XIAP: variants seen among roughly 807,000 people sequenced by gnomAD.
XIAP encodes E3 ubiquitin-protein ligase XIAP.
Under a neutral mutation model 33.1 loss-of-function variants are expected in XIAP, and 3 were observed. The ratio of observed to expected loss-of-function variants is 0.09; its 90% CI spans 0.04 to 0.23. XIAP has a LOEUF of 0.23. XIAP is among the 10% of genes least tolerant of loss of function. The pLI, the probability that XIAP is intolerant of heterozygous loss-of-function variation, is 1.00. For synonymous variants in XIAP, 98 were observed against 121.3 expected (o/e 0.81, Z 1.26); for missense variants, 264 against 363.0 (o/e 0.73, Z 2.22).
At position 123,909,189 on chromosome X, in the gene XIAP, C is replaced by T. The variant is rs186960123; in HGVS notation, c.*2008C>T. The stretch of plus-strand genomic sequence containing the variant: ...AATTACAGGCAGGTGCCACCATGCC[C>T]GACTAATTTTTTTTTATTTTTAGTA... On this transcript the variant is annotated 3_prime_UTR_variant, in exon 7 of 7. Transcript: ENST00000371199. 1.5e-4 allele frequency: 42 copies of T among 274,962 alleles called. 2 individuals are homozygous for T. The highest frequency in any genetic ancestry group is 1.4e-3 in the Admixed American group (31 of 21,589). 22.7% of individuals were successfully genotyped at this position (274,962 alleles called of 1,213,427 possible).
intron 1 of XIAP, among the ~76,000 whole-genome samples, chrX:123,882,172 G>A (rs1407037880): frequency 8.9e-6 from 1 of 111,980 alleles, no homozygotes; most frequent in Non-Finnish European, 1.9e-5. Flanking sequence ...ACTTGGAAAG[G>A]TTTAACCCAG....
At chrX:123,900,426 T>G in intron 5 of XIAP, 67 bp from the exon 6 acceptor site, 11 of 963,262 alleles carry the variant, frequency 1.1e-5, no homozygotes, top group Non-Finnish European at 1.5e-5. Flanking sequence ...ATTTTGCTAT[T>G]GAGTTGTGAT....
rs866934121 is a variant in XIAP, at chrX:123,866,515, C to T, written c.-33+6222C>T. 1.2e-3 allele frequency among the ~76,000 whole-genome samples: 72 copies of T among 61,955 alleles called. 1 individual carries two copies. Among genetic ancestry groups the T allele is most frequent in the South Asian group, 7.0e-3 (11 of 1,561 alleles). The allele number at this position is 61,955 out of a possible 115,157, so 53.8% of individuals were successfully genotyped here. On this transcript the variant is annotated intron_variant, in intron 1 of 6. Transcript: ENST00000371199. ...GATTAATATATAATATATGATATAT[C>T]ATATATAATATCAAAATATATAATA...
intron 3 of XIAP, among the ~76,000 whole-genome samples, chrX:123,890,217 C>G (rs1387165037): frequency 9.8e-6 from 1 of 101,782 alleles, no homozygotes; most frequent in Non-Finnish European, 2.0e-5. Flanking sequence ...GGGGTTTCAC[C>G]GTGTTAGCCA....
intron 1 of XIAP, among the ~76,000 whole-genome samples, chrX:123,883,938 G>T (rs1449628985): frequency 8.9e-6 from 1 of 111,939 alleles, no homozygotes; most frequent in African/African-American, 3.2e-5. Context: ...TGAAGCTAAT[G>T]TTGGAATGTT....
chrX:123,888,882 C>T (rs1338042834), intron 3 of XIAP, among the ~76,000 whole-genome samples, 164 bp downstream of exon 3: 1 of 112,101 alleles, frequency 8.9e-6, no homozygotes, highest in Non-Finnish European at 1.9e-5. Flanking sequence ...TGACCAAAAA[C>T]ATTCACTGCT....
In XIAP at chrX:123,908,886, A is replaced by G. The variant is rs766498412; in HGVS notation, c.*1705A>G. 2.0e-4 allele frequency: 69 copies of G among 349,225 alleles called. No homozygotes were observed. Among genetic ancestry groups the G allele is most frequent in the Non-Finnish European group, 3.3e-4 (61 of 183,027 alleles). The allele number at this position is 349,225 out of a possible 1,213,427, so 28.8% of individuals were successfully genotyped here. On this transcript the variant is annotated 3_prime_UTR_variant, in exon 7 of 7. Transcript: ENST00000371199. The stretch of plus-strand genomic sequence containing the variant: ...GTAGAGGTGAGTAAGGCATGTTACT[A>G]CAGAGGAAAGTTTGAGAGTAAAACT...
At chrX:123,866,434 T>G (rs1199805969) in intron 1 of XIAP, among the ~76,000 whole-genome samples, 1 of 103,071 alleles carries the variant, frequency 9.7e-6, no homozygotes, top group Non-Finnish European at 1.9e-5. Flanking sequence ...ATATATATTA[T>G]ACATGATATA....
chrX:123,876,187 A>G (rs898466380), intron 1 of XIAP, among the ~76,000 whole-genome samples: 3 of 106,820 alleles, frequency 2.8e-5, no homozygotes, highest in Non-Finnish European at 5.8e-5. Context: ...TGTTGGGATT[A>G]CAGGGGTGAG....
rs1323228713 is a variant in XIAP, at chrX:123,912,524, A to G, written c.*5343A>G. 9.2e-6 allele frequency: 3 copies of G among 327,001 alleles called. No individual in the cohort carries two copies. The Admixed American group carries it at 9.4e-5, about 10-fold the overall frequency. 26.9% of individuals were successfully genotyped at this position (327,001 alleles called of 1,213,427 possible). A position where few individuals can be genotyped will look rare whatever the true frequency, so the allele number is the denominator to read the frequency against. On this transcript the variant is annotated 3_prime_UTR_variant, in exon 7 of 7. Transcript: ENST00000371199. ...GTGGTGTGTGCCTGTAGTCCTGGCT[A>G]CTCCGGAGCCTGAGGTGGGAGGATC...
chrX:123,864,767 C>CGTGTGTGTGTGT (rs752421505), intron 1 of XIAP, among the ~76,000 whole-genome samples: 2 of 52,665 alleles, frequency 3.8e-5, no homozygotes, highest in Non-Finnish European at 3.3e-5. Context: ...GTCGCATTCT[C>CGTGTGTGTGTGT]GTGTGTGTGT....
chrX:123,913,594 C>G lies in XIAP; in HGVS notation c.*6413C>G. The G allele has an allele frequency of 9.3e-6, 3 of 322,502 alleles. No individual in the cohort carries two copies. The highest frequency in any genetic ancestry group is 8.3e-5 in the South Asian group (3 of 36,131). The allele number at this position is 322,502 out of a possible 1,213,427, so 26.6% of individuals were successfully genotyped here. A position where few individuals can be genotyped will look rare whatever the true frequency, so the allele number is the denominator to read the frequency against. ...TTTTGGAGTTTACCACTTTCTTATT[C>G]TGTATCATTAATGTAATATTTTAAA... On this transcript the variant is annotated 3_prime_UTR_variant, in exon 7 of 7. Transcript: ENST00000371199.
At chrX:123,890,110 G>A (rs2053392116) in intron 3 of XIAP, among the ~76,000 whole-genome samples, 2 of 85,693 alleles carry the variant, frequency 2.3e-5, no homozygotes, top group African/African-American at 8.8e-5. Context: ...TCCGCCTCCC[G>A]GGTTCACGCC....
intron 1 of XIAP, among the ~76,000 whole-genome samples, chrX:123,875,804 G>T (rs894954226): frequency 5.4e-5 from 6 of 110,140 alleles, no homozygotes; most frequent in Non-Finnish European, 1.1e-4. Flanking sequence ...CCCTGCCTCA[G>T]CCTCCCGAGT....
intron 1 of XIAP, among the ~76,000 whole-genome samples, chrX:123,882,388 ATATCT>A (rs1470294680): frequency 8.9e-6 from 1 of 111,935 alleles, no homozygotes; most frequent in African/African-American, 3.2e-5. Flanking sequence ...AATCTTTTAG[ATATCT>A]TAAGGTAGTT....
At chrX:123,871,566 G>C (rs1393281616) in intron 1 of XIAP, among the ~76,000 whole-genome samples, 1 of 107,850 alleles carries the variant, frequency 9.3e-6, no homozygotes, top group Non-Finnish European at 1.9e-5. Flanking sequence ...GCCCAGGCTG[G>C]AGTGGCCAGG....
intron 5 of XIAP, among the ~76,000 whole-genome samples, chrX:123,896,861 C>A (rs748457283): frequency 9.2e-6 from 1 of 109,163 alleles, no homozygotes; most frequent in African/African-American, 3.3e-5. Context: ...GAATTACAGG[C>A]GTGAGCCACT....
chrX:123,900,363 G>A, intron 5 of XIAP, 130 bp from the exon 6 acceptor site: 1 of 575,748 alleles, frequency 1.7e-6, no homozygotes, highest in African/African-American at 2.3e-5. Flanking sequence ...GCTTTGCTTT[G>A]CTGGTTTGTT....
intron 1 of XIAP, among the ~76,000 whole-genome samples, chrX:123,863,961 A>G (rs371024022): frequency 2.3e-4 from 26 of 111,513 alleles, no homozygotes; most frequent in African/African-American, 7.5e-4. Context: ...GATTCCAACT[A>G]GGCTGACAAA....
Sources: gnomAD v4.1 joint callset for allele counts (sites outside exome capture counted in the v4.1 genomes callset) on GRCh38, gnomAD v4.1.1 for gene constraint, MANE v1.5 for transcripts, NCBI Gene and HGNC (gene_info 2026-07-23, HGNC 2026-07-21) for gene names.